Variants in AEBP2 observed in about 807,000 individuals in gnomAD.
AEBP2 encodes zinc finger protein AEBP2.
Under a neutral mutation model 50.8 loss-of-function variants are expected in AEBP2, and 10 were observed. That is an observed-to-expected ratio of 0.20 (90% CI 0.12 to 0.33). The LOEUF is 0.33. Ranked by LOEUF, AEBP2 falls within the 10% of genes least tolerant of loss-of-function variation. AEBP2 has a pLI of 1.00. For missense variants in AEBP2, 570 were observed against 688.0 expected, an observed-to-expected ratio of 0.83 and a Z score of 1.92; for synonymous variants, 296 against 261.3, an observed-to-expected ratio of 1.13 and a Z score of -1.28.
chr12:19,491,675 T>C (rs987458079), intron 3 of AEBP2, among the ~76,000 whole-genome samples: 1 of 152,094 alleles, frequency 6.6e-6, no homozygotes, highest in South Asian at 2.1e-4. Context: ...TATGTCAAAA[T>C]AGAGTAATTA....
chr12:19,517,250 G>T (rs777755800), intron 7 of AEBP2, among the ~76,000 whole-genome samples: 2 of 152,142 alleles, frequency 1.3e-5, no homozygotes, highest in African/African-American at 2.4e-5. Flanking sequence ...GTTTTTAGGA[G>T]AAATAACTTC....
chr12:19,452,770 T>A (rs1022133278), intron 1 of AEBP2, among the ~76,000 whole-genome samples: 6 of 152,118 alleles, frequency 3.9e-5, no homozygotes, highest in Non-Finnish European at 8.8e-5. Context: ...AGAAATTGAT[T>A]ATAAGGGCGG....
At chr12:19,408,479 G>T (rs2095737524) in intron 1 of AEBP2, among the ~76,000 whole-genome samples, 1 of 151,704 alleles carries the variant, frequency 6.6e-6, no homozygotes, top group South Asian at 2.1e-4. Flanking sequence ...AACCCAGGAG[G>T]TGGAAGTTGC....
In AEBP2 at chr12:19,460,927, T is replaced by C. The variant is rs528350926; in HGVS notation, c.672-1583T>C. 2.0e-5 allele frequency among the ~76,000 whole-genome samples: 3 copies of C among 152,312 alleles called. No individual in the cohort carries two copies. The South Asian group carries it at 6.2e-4, about 32-fold the overall frequency. On this transcript the variant is annotated intron_variant, in intron 1 of 7. Coordinates refer to ENST00000266508, the MANE Select transcript of AEBP2 (RefSeq NM_153207.5). ...CTGCGGCCTCCCAAAGTGCTGCGAT[T>C]ACAGGCATGCGCCACTGTGCCCGGC... is the stretch of plus-strand genomic sequence containing the variant.
chr12:19,482,650 T>C (rs948676120), intron 3 of AEBP2, among the ~76,000 whole-genome samples: 1 of 152,072 alleles, frequency 6.6e-6, no homozygotes, highest in Admixed American at 6.6e-5. Flanking sequence ...GCGAGATGGG[T>C]GGGGCTATGT....
chr12:19,425,770 T>A (rs1436044820), intron 1 of AEBP2, among the ~76,000 whole-genome samples: 4 of 115,802 alleles, frequency 3.5e-5, no homozygotes, highest in Admixed American at 9.9e-5. Flanking sequence ...TGAGACTCCA[T>A]CTCAAAAAAA....
At chr12:19,468,163 T>TGTGTGTGTG (rs1948513735) in intron 2 of AEBP2, among the ~76,000 whole-genome samples, 5 of 151,652 alleles carry the variant, frequency 3.3e-5, no homozygotes, top group Non-Finnish European at 5.9e-5. Context: ...TGTGTATGTG[T>TGTGTGTGTG]TTTTAATGAG....
chr12:19,488,388 A>G (rs1262458055), intron 3 of AEBP2, among the ~76,000 whole-genome samples: 1 of 147,604 alleles, frequency 6.8e-6, no homozygotes, highest in Non-Finnish European at 1.5e-5. Flanking sequence ...TCGGCCTCCC[A>G]AAGTGTTGGA....
At chr12:19,466,244 G>C (rs983409357) in intron 2 of AEBP2, among the ~76,000 whole-genome samples, 1 of 151,994 alleles carries the variant, frequency 6.6e-6, no homozygotes, top group South Asian at 2.1e-4. Flanking sequence ...TTGGTAGATC[G>C]CTTGAGCTCA....
chr12:19,486,589 C>T (rs891062915), intron 3 of AEBP2, among the ~76,000 whole-genome samples: 9 of 151,946 alleles, frequency 5.9e-5, no homozygotes, highest in Admixed American at 5.9e-4. Flanking sequence ...TGCCACGTTG[C>T]CCAGGCTGGT....
In AEBP2 at chr12:19,439,568, T is replaced by C; in HGVS notation, c.-132T>C. The C allele has an allele frequency of 8.2e-7, 1 of 1,225,028 alleles. No homozygotes were observed. The highest frequency in any genetic ancestry group is 1.6e-5 in the African/African-American group (1 of 62,202). The allele number at this position is 1,225,028 out of a possible 1,614,324, so 75.9% of individuals were successfully genotyped here. ...TAGCGCGTGTGCAGGCTGACGCAGC[T>C]CGCGGGCCCTCCTCCTGCTCTGCAG... On this transcript the variant is annotated 5_prime_UTR_variant, in exon 1 of 8. Coordinates refer to ENST00000266508, the MANE Select transcript of AEBP2 (RefSeq NM_153207.5).
At chr12:19,434,141 A>T (rs2095753016) in intron 1 of AEBP2, among the ~76,000 whole-genome samples, 1 of 150,014 alleles carries the variant, frequency 6.7e-6, no homozygotes. Flanking sequence ...CACTGCGCCC[A>T]GCCAACTCTA....
At chr12:19,414,208 C>G (rs2095741016) in intron 1 of AEBP2, among the ~76,000 whole-genome samples, 1 of 152,040 alleles carries the variant, frequency 6.6e-6, no homozygotes. Context: ...GTCTTTATGA[C>G]CCGTATCTTG....
intron 3 of AEBP2, among the ~76,000 whole-genome samples, chr12:19,485,117 G>T (rs116716152): frequency 0.012 from 1,805 of 152,290 alleles, 40 homozygotes; most frequent in African/African-American, 0.041. Flanking sequence ...GTATGTGTGT[G>T]TAAGTATATT....
At chr12:19,450,385 T>G (rs1171127188) in intron 1 of AEBP2, among the ~76,000 whole-genome samples, 1 of 151,434 alleles carries the variant, frequency 6.6e-6, no homozygotes, top group East Asian at 1.9e-4. Context: ...GGAATCAAAT[T>G]TAATAGTTTT....
At chr12:19,495,930 TA>T (rs1421113953) in intron 4 of AEBP2, among the ~76,000 whole-genome samples, 1 of 152,152 alleles carries the variant, frequency 6.6e-6, no homozygotes, top group Non-Finnish European at 1.5e-5. Flanking sequence ...ACATCCTTTA[TA>T]AAAACAGAAA....
intron 2 of AEBP2, among the ~76,000 whole-genome samples, chr12:19,467,329 T>A (rs767603155): frequency 3.9e-5 from 6 of 152,196 alleles, no homozygotes; most frequent in Non-Finnish European, 7.3e-5. Context: ...ATTTTGTTAT[T>A]GTTGCCCAGG....
In AEBP2 at chr12:19,423,634, A is replaced by G. The variant is rs996679396; in HGVS notation, c.-17+19418A>G. 2.6e-5 allele frequency among the ~76,000 whole-genome samples: 4 copies of G among 152,212 alleles called. No homozygotes were observed. The East Asian group carries it at 7.7e-4, about 29-fold the overall frequency. ...GCGGATGCTATTGATCTTTACTAAA[A>G]TAATCTGACAGCTGCTGAAGGGCCA... On this transcript the variant is annotated intron_variant, in intron 1 of 3. Coordinates refer to the AEBP2 transcript ENST00000538425.
intron 1 of AEBP2, among the ~76,000 whole-genome samples, chr12:19,454,858 C>G (rs12230756): frequency 0.021 from 3,227 of 152,242 alleles, 42 homozygotes; most frequent in East Asian, 0.043. Flanking sequence ...AGAAGACTGC[C>G]GATAAGGCTT....
Sources: gnomAD v4.1 joint callset for allele counts (sites outside exome capture counted in the v4.1 genomes callset) on GRCh38, gnomAD v4.1.1 for gene constraint, MANE v1.5 for transcripts, NCBI Gene and HGNC (gene_info 2026-07-23, HGNC 2026-07-21) for gene names.